SH3PXD2A: variants seen among roughly 807,000 people sequenced by gnomAD.
The protein encoded by SH3PXD2A is SH3 and PX domains 2A, also known as SH3 and PX domain-containing protein 2A.
Under a neutral mutation model 115.2 loss-of-function variants are expected in SH3PXD2A, and 32 were observed. The ratio of observed to expected loss-of-function variants is 0.28; its 90% CI spans 0.21 to 0.37. The LOEUF is 0.37. Ranked by LOEUF, SH3PXD2A falls within the 10% of genes least tolerant of loss-of-function variation. The pLI, the probability that SH3PXD2A is intolerant of heterozygous loss-of-function variation, is 1.00. For synonymous variants in SH3PXD2A, 610 were observed against 629.1 expected, an observed-to-expected ratio of 0.97 and a Z score of 0.45; for missense variants, 1,328 against 1,498.7, an observed-to-expected ratio of 0.89 and a Z score of 1.88.
Position 103,607,146 on chromosome 10 carries a change from C to T in SH3PXD2A, c.1309-1229G>A, listed in dbSNP as rs1406459663. Among the ~76,000 whole-genome samples the T allele has an allele frequency of 1.4e-3, 205 of 150,706 alleles. 4 individuals carry two copies. Among genetic ancestry groups the T allele is most frequent in the African/African-American group, 4.9e-3 (199 of 40,930 alleles). ...GATGTGGGGAGTGCCTCTGCCCTGC[C>T]GCCCCGTCTGGGATGTGAGGAGCGC... is the stretch of plus-strand genomic sequence containing the variant. On this transcript the variant is annotated intron_variant, in intron 13 of 14. Transcript: ENST00000369774.
intron 12 of SH3PXD2A, 111 bp downstream of exon 12, chr10:103,612,742 C>T: frequency 1.5e-6 from 1 of 676,728 alleles, no homozygotes; most frequent in South Asian, 2.1e-5. Context: ...GTCTGTAGCC[C>T]AGGAGGAAAA....
chr10:103,602,541 A>T lies in SH3PXD2A; in HGVS notation c.2677T>A (p.Tyr893Asn). ...TGCTCGTTCTCATCCAGCACCAAATAGTGGGAAGGGGCCCAGCCCTCCAGC... is the reference window on the plus strand; with the variant it reads ...TGCTCGTTCTCATCCAGCACCAAATTGTGGGAAGGGGCCCAGCCCTCCAGC... ...GELEGWAPSH[Y>N]LVLDENEQPD... Residue 893 changes from tyrosine (Y) to asparagine (N), a missense_variant, in exon 15 of 15, where the codon TAT (tyrosine) becomes AAT (asparagine). Coordinates refer to ENST00000369774, the MANE Select transcript of SH3PXD2A (RefSeq NM_001394015.1). 1 of 1,614,104 alleles carries T rather than the reference A, an allele frequency of 6.2e-7. No individual in the cohort carries two copies. Among genetic ancestry groups the T allele is most frequent in the Non-Finnish European group, 8.5e-7 (1 of 1,180,010 alleles).
chr10:103,805,998 G>A (rs914862620), intron 1 of SH3PXD2A, among the ~76,000 whole-genome samples: 3 of 152,324 alleles, frequency 2.0e-5, no homozygotes, highest in Admixed American at 6.5e-5. Flanking sequence ...GGCCCTTGCC[G>A]GCCACAGCCA....
intron 6 of SH3PXD2A, among the ~76,000 whole-genome samples, chr10:103,672,015 G>A (rs779970580): frequency 1.3e-5 from 2 of 152,170 alleles, no homozygotes; most frequent in Non-Finnish European, 2.9e-5. Context: ...TTGGCTGGGC[G>A]GTGGCTCACC....
At chr10:103,777,486 G>A (rs1400197282) in intron 2 of SH3PXD2A, among the ~76,000 whole-genome samples, 9 of 152,260 alleles carry the variant, frequency 5.9e-5, no homozygotes, top group East Asian at 3.8e-4. Flanking sequence ...AGCTCATTCC[G>A]TGGGTGGGGG....
intron 8 of SH3PXD2A, among the ~76,000 whole-genome samples, chr10:103,638,772 C>T (rs763403253): frequency 5.9e-5 from 9 of 152,226 alleles, no homozygotes; most frequent in South Asian, 2.1e-4. Context: ...AGTCGCAAAG[C>T]GCTGACATGA....
intron 1 of SH3PXD2A, among the ~76,000 whole-genome samples, chr10:103,822,516 C>T (rs540188369): frequency 5.3e-5 from 8 of 152,376 alleles, no homozygotes; most frequent in Admixed American, 5.2e-4. Context: ...CAAGCTCTGC[C>T]CTGATGCAGC....
chr10:103,736,909 G>T, intron 3 of SH3PXD2A: 1 of 592,092 alleles, frequency 1.7e-6, no homozygotes, highest in Non-Finnish European at 2.8e-6. Flanking sequence ...GTAGCCACAG[G>T]ATGCAGCCTA....
intron 13 of SH3PXD2A, 53 bp downstream of exon 13, chr10:103,611,528 T>G (rs1202000256): frequency 4.0e-6 from 6 of 1,483,238 alleles, no homozygotes; most frequent in Non-Finnish European, 5.7e-6. Context: ...CGGGTGGCTA[T>G]AGCGCATTCA....
chr10:103,628,916 G>A (rs988552916), intron 8 of SH3PXD2A, among the ~76,000 whole-genome samples: 2 of 152,260 alleles, frequency 1.3e-5, no homozygotes, highest in East Asian at 1.9e-4. Flanking sequence ...GTCCGTGCCC[G>A]GGCCACTTAC....
At chr10:103,739,439 A>G (rs913138266) in intron 3 of SH3PXD2A, among the ~76,000 whole-genome samples, 1 of 152,162 alleles carries the variant, frequency 6.6e-6, no homozygotes, top group Admixed American at 6.5e-5. Flanking sequence ...CTTTGGCACA[A>G]TTGGCCAGTG....
intron 1 of SH3PXD2A, among the ~76,000 whole-genome samples, chr10:103,818,220 C>A (rs1261904816): frequency 4.6e-5 from 7 of 152,174 alleles, no homozygotes; most frequent in African/African-American, 1.7e-4. Context: ...CCCACCACCT[C>A]CTAGAAATCT....
chr10:103,654,422 A>C (rs1400009634), intron 8 of SH3PXD2A, among the ~76,000 whole-genome samples: 1 of 152,078 alleles, frequency 6.6e-6, no homozygotes, highest in Non-Finnish European at 1.5e-5. Context: ...GATGGGGGAA[A>C]TTGAGGCCAC....
intron 8 of SH3PXD2A, among the ~76,000 whole-genome samples, chr10:103,659,733 G>A (rs972101380): frequency 1.6e-4 from 25 of 152,212 alleles, no homozygotes. Context: ...TGAGAGGGGA[G>A]CAGGCACTTC....
At chr10:103,757,517 G>A (rs753079812) in intron 3 of SH3PXD2A, among the ~76,000 whole-genome samples, 2 of 152,192 alleles carry the variant, frequency 1.3e-5, no homozygotes, top group African/African-American at 2.4e-5. Context: ...TTCCCTTCTA[G>A]AATGATTGGG....
intron 2 of SH3PXD2A, among the ~76,000 whole-genome samples, chr10:103,779,193 C>G (rs192667652): frequency 6.6e-6 from 1 of 152,198 alleles, no homozygotes; most frequent in Admixed American, 6.5e-5. Flanking sequence ...CTCAGCCTCC[C>G]GAGTGGCTGG....
At chr10:103,804,400 T>C (rs1174380968) in intron 1 of SH3PXD2A, among the ~76,000 whole-genome samples, 5 of 147,372 alleles carry the variant, frequency 3.4e-5, no homozygotes, top group African/African-American at 7.5e-5. Context: ...CGGCTCATTG[T>C]GACCTCCGCC....
At chr10:103,783,370 A>C (rs2038950746) in intron 2 of SH3PXD2A, among the ~76,000 whole-genome samples, 1 of 152,178 alleles carries the variant, frequency 6.6e-6, no homozygotes, top group Non-Finnish European at 1.5e-5. Flanking sequence ...TCAGTTGCCC[A>C]GGTGACAGGT....
intron 1 of SH3PXD2A, among the ~76,000 whole-genome samples, chr10:103,843,606 C>T (rs932255901): frequency 1.3e-5 from 2 of 152,226 alleles, no homozygotes; most frequent in Admixed American, 6.5e-5. Flanking sequence ...CATATCTTAA[C>T]ATCCGCTCCA....
Sources: gnomAD v4.1 joint callset for allele counts (sites outside exome capture counted in the v4.1 genomes callset) on GRCh38, gnomAD v4.1.1 for gene constraint, MANE v1.5 for transcripts, NCBI Gene and HGNC (gene_info 2026-07-23, HGNC 2026-07-21) for gene names.